EFCAB6: variants seen among roughly 807,000 people sequenced by gnomAD.
EFCAB6 encodes EF-hand calcium binding domain 6.
EFCAB6 carries 156 observed loss-of-function variants against 169.8 expected under a neutral mutation model. The observed-to-expected ratio is 0.92, with a 90% CI of 0.81 to 1.05. EFCAB6 has a LOEUF of 1.05. Among genes scored for constraint, EFCAB6 ranks in the 50% least tolerant of loss-of-function variants. The pLI, the probability that EFCAB6 is intolerant of heterozygous loss-of-function variation, is 0.00. For synonymous variants in EFCAB6, 698 were observed against 676.4 expected, an observed-to-expected ratio of 1.03 and a Z score of -0.50; for missense variants, 1,800 against 1,829.1, an observed-to-expected ratio of 0.98 and a Z score of 0.29.
chr22:43,782,245 G>A lies in EFCAB6; in HGVS notation c.74C>T (p.Pro25Leu). The A allele has an allele frequency of 6.2e-7, 1 of 1,613,894 alleles. No homozygotes were observed. Among genetic ancestry groups the A allele is most frequent in the Non-Finnish European group, 8.5e-7 (1 of 1,179,858 alleles). ...PHTRKFTHSR[P>L]HSSPCRVYSR... ...ATATACTCTACACGGTGAAGAATGG[G>A]GTCTTGAATGTGTAAATTTTCGTGT... The change falls in exon 3 of 32, where the codon CCC (proline) becomes CTC (leucine). Residue 25 changes from proline to leucine, a missense_variant. By Grantham distance (98) the Pro-to-Leu change is moderately conservative (BLOSUM62 -3). Coordinates refer to ENST00000262726, the MANE Select transcript of EFCAB6 (RefSeq NM_022785.4).
intron 17 of EFCAB6, among the ~76,000 whole-genome samples, chr22:43,655,599 A>G (rs1189997206): frequency 6.6e-6 from 1 of 152,148 alleles, no homozygotes; most frequent in African/African-American, 2.4e-5. Context: ...AGCCGGGTCA[A>G]ATAGAAAAAA....
At chr22:43,745,162 CTTTG>C (rs2060515913) in intron 6 of EFCAB6, among the ~76,000 whole-genome samples, 1 of 152,186 alleles carries the variant, frequency 6.6e-6, no homozygotes, top group Non-Finnish European at 1.5e-5. Context: ...CTCCAGAGTT[CTTTG>C]TTTAAAATTC....
chr22:43,569,281 G>A (rs572961869), intron 26 of EFCAB6, among the ~76,000 whole-genome samples: 223 of 152,378 alleles, frequency 1.5e-3, no homozygotes, highest in Middle Eastern at 3.4e-3. Context: ...CTAAGTGAGA[G>A]TGAATCTCAG....
chr22:43,773,139 T>C, intron 3 of EFCAB6, 36 bp from the exon 4 acceptor site: 5 of 1,602,726 alleles, frequency 3.1e-6, no homozygotes, highest in Non-Finnish European at 4.3e-6. Flanking sequence ...TAAACATGTT[T>C]AAAGCCAAGA....
At chr22:43,720,092 A>C (rs2147473335) in intron 8 of EFCAB6, among the ~76,000 whole-genome samples, 1 of 152,318 alleles carries the variant, frequency 6.6e-6, no homozygotes, top group Non-Finnish European at 1.5e-5. Flanking sequence ...TTCACAATGT[A>C]TATGTACATC....
intron 22 of EFCAB6, among the ~76,000 whole-genome samples, chr22:43,601,850 C>T (rs2052547382): frequency 6.6e-6 from 1 of 152,246 alleles, no homozygotes; most frequent in Non-Finnish European, 1.5e-5. Context: ...ACAGGTGCCC[C>T]TGAGGGCTCT....
At chr22:43,760,956 G>A (rs2061144115) in intron 5 of EFCAB6, among the ~76,000 whole-genome samples, 1 of 152,218 alleles carries the variant, frequency 6.6e-6, no homozygotes, top group Non-Finnish European at 1.5e-5. Context: ...AAAGGAATGA[G>A]GTACTAATTC....
At chr22:43,742,677 A>C (rs889789296) in intron 6 of EFCAB6, among the ~76,000 whole-genome samples, 1 of 152,194 alleles carries the variant, frequency 6.6e-6, no homozygotes, top group African/African-American at 2.4e-5. Context: ...CACTCTGCGC[A>C]GCCCCCGCTG....
intron 8 of EFCAB6, among the ~76,000 whole-genome samples, chr22:43,726,276 C>CAAAAAA (rs3994547): frequency 3.4e-5 from 2 of 59,356 alleles, no homozygotes; most frequent in African/African-American, 7.3e-5. Flanking sequence ...AAAAATTCAC[C>CAAAAAA]AAAAAAAAAA....
intron 6 of EFCAB6, among the ~76,000 whole-genome samples, chr22:43,741,916 C>T (rs2060385461): frequency 6.6e-6 from 1 of 152,178 alleles, no homozygotes; most frequent in Admixed American, 6.5e-5. Flanking sequence ...ACCTGTCATT[C>T]CATTCCACCC....
In EFCAB6 at chr22:43,554,981, T is replaced by C. The variant is rs1221968850; in HGVS notation, c.3536A>G (p.His1179Arg). ...ATTCTCAAACTCCTGGGTGATGGCATGGTAATGGGAAGTCACTGCTTTGTG... is the reference window on the plus strand; with the variant it reads ...ATTCTCAAACTCCTGGGTGATGGCACGGTAATGGGAAGTCACTGCTTTGTG... ...RLHKAVTSHY[H>R]AITQEFENFD... is the part of the protein sequence containing the mutation. The change falls in exon 27 of 32, where the codon CAT becomes CGT. Residue 1179 changes from histidine (H) to arginine (R), a missense_variant. Coordinates refer to ENST00000262726, the MANE Select transcript of EFCAB6 (RefSeq NM_022785.4). The C allele has an allele frequency of 6.2e-7, 1 of 1,614,138 alleles. No individual in the cohort carries two copies. Among genetic ancestry groups the C allele is most frequent in the East Asian group, 2.2e-5 (1 of 44,884 alleles).
At position 43,635,094 on chromosome 22, in the gene EFCAB6, T is replaced by C. The variant is rs781208165; in HGVS notation, c.2098+8A>G. The stretch of plus-strand genomic sequence containing the variant: ...ATCCCACAGGGTGTGGACTTGGCCA[T>C]TAGCTACCTTCAAATCCTGCTGCAA... On this transcript the variant is annotated splice_region_variant and intron_variant, in intron 18 of 31. Coordinates refer to ENST00000262726, the MANE Select transcript of EFCAB6 (RefSeq NM_022785.4). 71 of 1,613,110 alleles carry C rather than the reference T, an allele frequency of 4.4e-5. 1 individual carries two copies. In the South Asian group the frequency reaches 7.5e-4, roughly 17 times the overall value.
intron 20 of EFCAB6, among the ~76,000 whole-genome samples, chr22:43,619,774 T>C (rs773709009): frequency 1.3e-4 from 20 of 152,124 alleles, no homozygotes; most frequent in Non-Finnish European, 2.6e-4. Flanking sequence ...CTAAGCTTCA[T>C]GTCATTGAGG....
At chr22:43,684,202 C>G (rs777663593) in intron 11 of EFCAB6, among the ~76,000 whole-genome samples, 13 of 152,200 alleles carry the variant, frequency 8.5e-5, no homozygotes, top group South Asian at 2.1e-4. Flanking sequence ...GGAGCCCCCC[C>G]TCCTGTGTGT....
At chr22:43,626,246 C>T (rs1414636130) in intron 20 of EFCAB6, among the ~76,000 whole-genome samples, 3 of 152,164 alleles carry the variant, frequency 2.0e-5, no homozygotes, top group Admixed American at 1.3e-4. Context: ...ATGATGCTCA[C>T]AGGTGGTAAG....
intron 15 of EFCAB6, among the ~76,000 whole-genome samples, chr22:43,670,106 G>C (rs2057424045): frequency 6.6e-6 from 1 of 152,162 alleles, no homozygotes; most frequent in Non-Finnish European, 1.5e-5. Context: ...CTCTGCTAGA[G>C]ACCTTCAGTT....
chr22:43,618,587 C>A lies in EFCAB6; in HGVS notation c.2466-2665G>T, dbSNP rs2053905960. Among the ~76,000 whole-genome samples the A allele has an allele frequency of 2.0e-5, 3 of 152,182 alleles. No individual in the cohort carries two copies. The South Asian group carries it at 6.2e-4, about 32-fold the overall frequency. On this transcript the variant is annotated intron_variant, in intron 20 of 31. Transcript: ENST00000262726. The stretch of plus-strand genomic sequence containing the variant: ...GTTATGAGTTTCATGGGGCTTTCCT[C>A]CCATGTTCCCAGCTTAAGAGTCAAG...
intron 24 of EFCAB6, among the ~76,000 whole-genome samples, chr22:43,587,257 G>A (rs1205013085): frequency 6.6e-6 from 1 of 152,118 alleles, no homozygotes; most frequent in Non-Finnish European, 1.5e-5. Context: ...TGAGCAGGAG[G>A]GCATCTGTCC....
In EFCAB6 at chr22:43,534,739, T is replaced by C; in HGVS notation, c.4182A>G (p.Ala1394=). The change falls in exon 30 of 32, where the codon GCA becomes GCG. Residue 1394 remains alanine (A), a synonymous_variant. Coordinates refer to ENST00000262726, the MANE Select transcript of EFCAB6 (RefSeq NM_022785.4). ...FIQSCVLLLK[A]KESSLMHRMK... Reference sequence around the variant, plus strand: ...TCCTGTGCATCAGTGAGCTTTCCTTTGCTTTTAGCAGGAGGACACAGCTCT... The same window carrying C: ...TCCTGTGCATCAGTGAGCTTTCCTTCGCTTTTAGCAGGAGGACACAGCTCT... 1 of 1,613,818 alleles carries C rather than the reference T, an allele frequency of 6.2e-7. No homozygotes were observed. The highest frequency in any genetic ancestry group is 8.5e-7 in the Non-Finnish European group (1 of 1,179,956).
Sources: gnomAD v4.1 joint callset for allele counts (sites outside exome capture counted in the v4.1 genomes callset) on GRCh38, gnomAD v4.1.1 for gene constraint, MANE v1.5 for transcripts, NCBI Gene and HGNC (gene_info 2026-07-23, HGNC 2026-07-21) for gene names.